The following BMPER variants were observed in gnomAD, a reference collection of about 807,000 sequenced individuals.
BMPER encodes the protein BMP-binding endothelial regulator protein.
A neutral mutation model predicts 87.3 loss-of-function variants in BMPER; 45 were observed. The observed-to-expected ratio is 0.52, with a 90% CI of 0.41 to 0.66. BMPER has a LOEUF of 0.66. Ranked by LOEUF, BMPER falls within the 30% of genes least tolerant of loss-of-function variation. BMPER has a pLI of 0.00. For synonymous variants in BMPER, 326 were observed against 316.2 expected (o/e 1.03, Z -0.33); for missense variants, 784 against 867.5 (o/e 0.90, Z 1.21).
intron 2 of BMPER, among the ~76,000 whole-genome samples, chr7:33,921,107 C>T (rs571869490): frequency 2.2e-4 from 34 of 152,306 alleles, no homozygotes; most frequent in Non-Finnish European, 4.0e-4. Flanking sequence ...ATAACCCTTA[C>T]TCCTCTCTCC....
chr7:34,026,015 C>G (rs1303865267), intron 6 of BMPER, among the ~76,000 whole-genome samples: 1 of 151,994 alleles, frequency 6.6e-6, no homozygotes, highest in African/African-American at 2.4e-5. Context: ...CTGAAGAACT[C>G]TTTTGGAGTT....
At chr7:33,934,460 G>A (rs891020084) in intron 2 of BMPER, among the ~76,000 whole-genome samples, 7 of 151,248 alleles carry the variant, frequency 4.6e-5, no homozygotes, top group African/African-American at 1.7e-4. Context: ...GTGTAATCAG[G>A]GGGAAAAAAC....
rs773048718 is a variant in BMPER at position 34,060,006 on chromosome 7, C to T, written c.1032+1843C>T. Reference sequence around the variant, plus strand: ...CACTGTCATCTCTCCATCTCTAATACGTACTGAGATTTTATAGTGACAACA... The same window carrying T: ...CACTGTCATCTCTCCATCTCTAATATGTACTGAGATTTTATAGTGACAACA... On this transcript the variant is annotated intron_variant, in intron 10 of 14. Transcript: ENST00000649409. 9.9e-5 allele frequency among the ~76,000 whole-genome samples: 15 copies of T among 152,180 alleles called. No individual in the cohort carries two copies. In the East Asian group the frequency reaches 1.2e-3, roughly 12 times the overall value.
chr7:34,063,767 C>T (rs1213914010), intron 11 of BMPER, among the ~76,000 whole-genome samples: 1 of 152,180 alleles, frequency 6.6e-6, no homozygotes, highest in Non-Finnish European at 1.5e-5. Context: ...TAATTCCCTT[C>T]TGGATGAGCA....
chr7:33,958,213 C>T (rs1785191592), intron 3 of BMPER, among the ~76,000 whole-genome samples: 1 of 152,200 alleles, frequency 6.6e-6, no homozygotes, highest in Admixed American at 6.5e-5. Context: ...ACCTTTCTTG[C>T]ATTTGCTCTC....
At chr7:34,000,095 A>G (rs1458956323) in intron 6 of BMPER, among the ~76,000 whole-genome samples, 2 of 152,222 alleles carry the variant, frequency 1.3e-5, no homozygotes, top group African/African-American at 4.8e-5. Context: ...CTCATGCATC[A>G]CGTAATAATC....
rs36022297 is a variant in BMPER, at chr7:34,011,583, C to CAAAAAAAAAAAAAAAAAAAAAAAAAAA, written c.577-34702_577-34701insAAAAAAAAAAAAAAAAAAAAAAAAAAA. On this transcript the variant is annotated intron_variant, in intron 6 of 14. Transcript: ENST00000649409. The stretch of plus-strand genomic sequence containing the variant: ...CTTTGCTGCTTTCAGTTGGTCAGGG[C>CAAAAAAAAAAAAAAAAAAAAAAAAAAA]AAAAAAAAAAAAAAAAAAAAAGAAA... Among the ~76,000 whole-genome samples, 8 of 45,766 alleles carry CAAAAAAAAAAAAAAAAAAAAAAAAAAA rather than the reference C, an allele frequency of 1.7e-4. 1 individual carries two copies. Among genetic ancestry groups the CAAAAAAAAAAAAAAAAAAAAAAAAAAA allele is most frequent in the Admixed American group, 2.7e-4 (1 of 3,694 alleles). 30.0% of individuals were successfully genotyped at this position (45,766 alleles called of 152,430 possible).
intron 11 of BMPER, among the ~76,000 whole-genome samples, chr7:34,065,293 C>G (rs1788558564): frequency 6.7e-6 from 1 of 149,458 alleles, no homozygotes; most frequent in African/African-American, 2.5e-5. Context: ...AGTTTTCAAC[C>G]TCAGTCTTAC....
chr7:34,085,641 G>A, intron 12 of BMPER, 115 bp from the exon 13 acceptor site: 1 of 1,000,452 alleles, frequency 1.0e-6, no homozygotes, highest in Non-Finnish European at 1.5e-6. Context: ...ACCAACCCTT[G>A]GTGCTCCTTA....
In BMPER at chr7:33,916,702, G is replaced by A. The variant is rs564852674; in HGVS notation, c.219+9799G>A. ...TGCCTTGTAGTGTAGTGAGTTGGGC[G>A]AATTCACGTCTTAAGGGATGGTGTC... On this transcript the variant is annotated intron_variant, in intron 2 of 14. Coordinates refer to ENST00000649409, the MANE Select transcript of BMPER (RefSeq NM_001365308.1). Among the ~76,000 whole-genome samples the A allele has an allele frequency of 8.5e-5, 13 of 152,310 alleles. No homozygotes were observed. The East Asian group carries it at 2.5e-3, about 29-fold the overall frequency.
chr7:34,019,753 T>C (rs745575381), intron 6 of BMPER, among the ~76,000 whole-genome samples: 51 of 151,932 alleles, frequency 3.4e-4, no homozygotes, highest in Middle Eastern at 6.8e-3. Context: ...CGAGCTGTAG[T>C]GAAGAATGAA....
intron 6 of BMPER, 74 bp downstream of exon 6, chr7:33,974,858 G>C: frequency 1.4e-6 from 2 of 1,399,588 alleles, no homozygotes; most frequent in African/African-American, 2.8e-5. Context: ...GAGCACCCCC[G>C]GTCTCTACAG....
At chr7:33,941,008 T>C (rs1784744681) in intron 3 of BMPER, among the ~76,000 whole-genome samples, 1 of 135,798 alleles carries the variant, frequency 7.4e-6, no homozygotes, top group African/African-American at 2.8e-5. Context: ...ATAATTTATA[T>C]GTAATATATT....
chr7:33,929,022 T>C (rs1453612409), intron 2 of BMPER, among the ~76,000 whole-genome samples: 1 of 152,172 alleles, frequency 6.6e-6, no homozygotes, highest in Non-Finnish European at 1.5e-5. Flanking sequence ...AATTTCTTCA[T>C]GGGATATGAC....
chr7:34,145,764 A>T (rs1253463573), intron 14 of BMPER, among the ~76,000 whole-genome samples: 2 of 152,194 alleles, frequency 1.3e-5, no homozygotes, highest in Non-Finnish European at 2.9e-5. Flanking sequence ...TAGATACAGG[A>T]TATATGATCC....
chr7:33,913,369 A>AT (rs1192026701), intron 2 of BMPER, among the ~76,000 whole-genome samples: 2 of 152,198 alleles, frequency 1.3e-5, no homozygotes, highest in Non-Finnish European at 2.9e-5. Flanking sequence ...GCCATTTAAT[A>AT]TTTTTGTGCA....
rs1186588244 is a variant in BMPER, at chr7:34,151,872, A to G, written c.1877-1220A>G. On this transcript the variant is annotated intron_variant, in intron 14 of 14. Transcript: ENST00000649409. ...CTTGGTTTTTGAATAGTAAGAGCTG[A>G]TGAGAAGTCATTGATTACTCGCTGG... 3.3e-5 allele frequency among the ~76,000 whole-genome samples: 5 copies of G among 152,236 alleles called. No homozygotes were observed. In the South Asian group the frequency reaches 1.0e-3, roughly 31 times the overall value.
At chr7:34,055,401 A>G in intron 9 of BMPER, 98 bp downstream of exon 9, 31 of 1,441,454 alleles carry the variant, frequency 2.2e-5, no homozygotes, top group Non-Finnish European at 2.9e-5. Context: ...CATAATTTCT[A>G]TATACATATA....
intron 3 of BMPER, among the ~76,000 whole-genome samples, chr7:33,954,847 A>G (rs1013874337): frequency 1.3e-5 from 2 of 152,056 alleles, no homozygotes; most frequent in African/African-American, 4.8e-5. Context: ...TTCTTGACAG[A>G]TATTTGGCAG....
Sources: gnomAD v4.1 joint callset for allele counts (sites outside exome capture counted in the v4.1 genomes callset) on GRCh38, gnomAD v4.1.1 for gene constraint, MANE v1.5 for transcripts, NCBI Gene and HGNC (gene_info 2026-07-23, HGNC 2026-07-21) for gene names.